The following SYNJ2BP variants were observed in gnomAD, a reference collection of about 807,000 sequenced individuals.
SYNJ2BP encodes synaptojanin-2-binding protein.
SYNJ2BP carries 10 observed loss-of-function variants against 16.9 expected under a neutral mutation model. The ratio of observed to expected loss-of-function variants is 0.59; its 90% confidence interval spans 0.36 to 1.00. The LOEUF (loss-of-function observed/expected upper bound fraction) is 1.00. SYNJ2BP is among the 50% of genes least tolerant of loss of function. The pLI, the probability that SYNJ2BP is intolerant of heterozygous loss-of-function variation, is 0.01. For missense variants in SYNJ2BP, 162 were observed against 186.7 expected (o/e 0.87, Z 0.77); for synonymous variants, 54 against 68.4 (o/e 0.79, Z 1.04).
chr14:70,375,227 G>T (rs1456859496), intron 3 of SYNJ2BP, among the ~76,000 whole-genome samples: 1 of 146,186 alleles, frequency 6.8e-6, no homozygotes, highest in Non-Finnish European at 1.5e-5. Flanking sequence ...TTTGAGACAG[G>T]GTCTCACTCT....
At chr14:70,408,408 T>C (rs1888395705) in intron 1 of SYNJ2BP, among the ~76,000 whole-genome samples, 2 of 152,158 alleles carry the variant, frequency 1.3e-5, no homozygotes, top group Non-Finnish European at 2.9e-5. Context: ...TGGTGGCTTA[T>C]ACCTGTAATC....
intron 1 of SYNJ2BP, among the ~76,000 whole-genome samples, chr14:70,413,738 A>T (rs1566626810): frequency 1.3e-5 from 2 of 152,214 alleles, no homozygotes; most frequent in Admixed American, 1.3e-4. Flanking sequence ...TTTCCCCAAG[A>T]TTTCATTACT....
chr14:70,393,983 T>C (rs542462848), intron 1 of SYNJ2BP, among the ~76,000 whole-genome samples: 54 of 133,108 alleles, frequency 4.1e-4, no homozygotes, highest in Admixed American at 4.0e-3. Context: ...AAAAAAAAGA[T>C]TTGAAACCAA....
intron 2 of SYNJ2BP, among the ~76,000 whole-genome samples, chr14:70,379,405 T>C (rs1323746402): frequency 6.6e-6 from 1 of 152,212 alleles, no homozygotes; most frequent in Non-Finnish European, 1.5e-5. Flanking sequence ...TATCCTATAC[T>C]CTAGCTAAGT....
chr14:70,392,800 A>G (rs1888007639), intron 1 of SYNJ2BP, among the ~76,000 whole-genome samples: 1 of 152,194 alleles, frequency 6.6e-6, no homozygotes, highest in South Asian at 2.1e-4. Flanking sequence ...CATCCAGCAT[A>G]TGGACCAACC....
intron 1 of SYNJ2BP, among the ~76,000 whole-genome samples, chr14:70,399,291 G>A (rs58186506): frequency 0.24 from 36,300 of 152,150 alleles, 6,103 homozygotes; most frequent in East Asian, 0.61. Flanking sequence ...ACCTGCTGGC[G>A]CCCATCTCGG....
chr14:70,412,631 A>ATATATATGTATGTATAGTATATAT (rs1235982664), intron 1 of SYNJ2BP, among the ~76,000 whole-genome samples: 1 of 149,316 alleles, frequency 6.7e-6, no homozygotes, highest in Non-Finnish European at 1.5e-5. Context: ...TATATATAGT[A>ATATATATGTATGTATAGTATATAT]ACTAGCACAC....
chr14:70,373,239 T>G, intron 3 of SYNJ2BP, 108 bp from the exon 4 acceptor site: 1 of 1,428,086 alleles, frequency 7.0e-7, no homozygotes, highest in Non-Finnish European at 9.4e-7. Context: ...CACCCAAAAC[T>G]GTAACCCCCA....
chr14:70,373,196 T>G, intron 3 of SYNJ2BP, 65 bp from the exon 4 acceptor site: 1 of 1,591,804 alleles, frequency 6.3e-7, no homozygotes, highest in Non-Finnish European at 8.5e-7. Flanking sequence ...AACGCCCAGG[T>G]TGATACATCA....
intron 1 of SYNJ2BP, among the ~76,000 whole-genome samples, chr14:70,415,378 G>A (rs1025879284): frequency 1.3e-5 from 2 of 151,418 alleles, no homozygotes; most frequent in Non-Finnish European, 2.9e-5. Flanking sequence ...GTGAAACATC[G>A]TCTCTACCAA....
intron 1 of SYNJ2BP, among the ~76,000 whole-genome samples, chr14:70,401,569 G>A (rs1440159290): frequency 9.2e-6 from 1 of 108,614 alleles, no homozygotes; most frequent in African/African-American, 3.5e-5. Flanking sequence ...TTTTAAATAT[G>A]TTTGATACCT....
intron 3 of SYNJ2BP, among the ~76,000 whole-genome samples, chr14:70,375,284 C>T (rs1188270268): frequency 6.6e-6 from 1 of 151,562 alleles, no homozygotes; most frequent in African/African-American, 2.4e-5. Context: ...TCACTGCAAC[C>T]TCTACCTCCT....
rs575124890 is a variant in SYNJ2BP, at chr14:70,370,152, C to G, written c.*2839G>C. On this transcript the variant is annotated 3_prime_UTR_variant, in exon 4 of 4. Coordinates refer to ENST00000256366, the MANE Select transcript of SYNJ2BP (RefSeq NM_018373.3). ...ACCAAAGCAAAACTTCTACCAACGA[C>G]AGAATGGATACTTTTTAAACAAATT... is the stretch of plus-strand genomic sequence containing the variant. 1 of 152,304 alleles carries G rather than the reference C, an allele frequency of 6.6e-6. No individual in the cohort carries two copies. The allele number at this position is 152,304 out of a possible 1,614,324, so 9.4% of individuals were successfully genotyped here.
chr14:70,417,015 G>A lies in SYNJ2BP; in HGVS notation c.-52C>T. On this transcript the variant is annotated 5_prime_UTR_variant, in exon 1 of 4. Coordinates refer to ENST00000256366, the MANE Select transcript of SYNJ2BP (RefSeq NM_018373.3). Reference sequence around the variant, plus strand: ...TTGGGTCAGCTGGAGTGCAGCACAGGTGAAGGTGAATCAATCTCGGCGCTG... The same window carrying A: ...TTGGGTCAGCTGGAGTGCAGCACAGATGAAGGTGAATCAATCTCGGCGCTG... 2 of 1,613,550 alleles carry A rather than the reference G, an allele frequency of 1.2e-6. No homozygotes were observed. The highest frequency in any genetic ancestry group is 8.5e-7 in the Non-Finnish European group (1 of 1,179,706).
chr14:70,397,697 C>CA (rs1183556424), intron 1 of SYNJ2BP, among the ~76,000 whole-genome samples: 4 of 152,238 alleles, frequency 2.6e-5, no homozygotes, highest in Admixed American at 2.6e-4. Context: ...AGGGAGCTCC[C>CA]AGGTCTCAGA....
chr14:70,381,400 C>T (rs986068619), intron 2 of SYNJ2BP, among the ~76,000 whole-genome samples: 1 of 152,166 alleles, frequency 6.6e-6, no homozygotes, highest in African/African-American at 2.4e-5. Flanking sequence ...TCTTAAAGAA[C>T]CCTTTCGCAT....
At chr14:70,388,185 A>G (rs556505223) in intron 2 of SYNJ2BP, among the ~76,000 whole-genome samples, 2 of 152,310 alleles carry the variant, frequency 1.3e-5, no homozygotes, top group East Asian at 1.9e-4. Context: ...TGGATTTTAA[A>G]TCTCTTTTCC....
In SYNJ2BP at chr14:70,369,254, C is replaced by A. The variant is rs1231387788; in HGVS notation, c.*3737G>T. The A allele has an allele frequency of 1.3e-5, 2 of 152,124 alleles. No homozygotes were observed. Among genetic ancestry groups the A allele is most frequent in the Non-Finnish European group, 2.9e-5 (2 of 68,038 alleles). 9.4% of individuals were successfully genotyped at this position (152,124 alleles called of 1,614,324 possible). The stretch of plus-strand genomic sequence containing the variant: ...TGTAGCTGGGCCTACAGGAATGCAC[C>A]ACTAATTTGTTTGACTTTTAGTAAA... On this transcript the variant is annotated 3_prime_UTR_variant, in exon 4 of 4. Transcript: ENST00000256366.
intron 1 of SYNJ2BP, among the ~76,000 whole-genome samples, chr14:70,403,268 GT>G (rs1888278111): frequency 6.6e-6 from 1 of 152,176 alleles, no homozygotes; most frequent in Non-Finnish European, 1.5e-5. Context: ...GTGTCTGTAT[GT>G]CTCTATGTTT....
Sources: allele counts gnomAD v4.1 joint callset (sites outside exome capture counted in the v4.1 genomes callset), GRCh38; gene constraint gnomAD v4.1.1; transcripts MANE v1.5; gene names NCBI Gene and HGNC (gene_info 2026-07-23, HGNC 2026-07-21).